SMARCA1: variants seen among roughly 807,000 people sequenced by gnomAD.
SMARCA1 encodes SNF2 related chromatin remodeling ATPase 1, also known as SWI/SNF-related matrix-associated actin-dependent regulator of chromatin subfamily A member 1.
SMARCA1 carries 17 observed loss-of-function variants against 93.6 expected under a neutral mutation model. The ratio of observed to expected loss-of-function variants is 0.18; its 90% confidence interval spans 0.12 to 0.27. The LOEUF (loss-of-function observed/expected upper bound fraction) is 0.27, where lower values mean the gene tolerates loss of function less well. SMARCA1 is among the 10% of genes least tolerant of loss of function. SMARCA1 has a pLI of 1.00. For missense variants in SMARCA1, 630 were observed against 819.0 expected, an observed-to-expected ratio of 0.77 and a Z score of 2.82; for synonymous variants, 271 against 271.4, an observed-to-expected ratio of 1.00 and a Z score of 0.01.
chrX:129,483,239 G>C lies in SMARCA1; in HGVS notation c.2218-2054C>G, dbSNP rs138916501. 7.3e-3 allele frequency among the ~76,000 whole-genome samples: 819 copies of C among 111,844 alleles called. 6 individuals carry two copies. The highest frequency in any genetic ancestry group is 0.012 in the Non-Finnish European group (635 of 53,094). On this transcript the variant is annotated intron_variant, in intron 17 of 24. Transcript: ENST00000371121. ...AAGGAACTTGTAACTCAAATAAAAA[G>C]TTTTCTGAGAACCAGAGAATATAAA...
intron 10 of SMARCA1, 29 bp downstream of exon 10, chrX:129,499,699 CAAAT>C (rs1934478363): frequency 2.5e-6 from 2 of 814,431 alleles, no homozygotes; most frequent in Non-Finnish European, 3.6e-6. Context: ...TTCTTACACA[CAAAT>C]AAGTTTTAAA....
chrX:129,474,218 G>GT (rs1380044471), intron 19 of SMARCA1, among the ~76,000 whole-genome samples: 1 of 111,541 alleles, frequency 9.0e-6, no homozygotes, highest in Non-Finnish European at 1.9e-5. Context: ...CCTTCATAAT[G>GT]TTTTTTTAAA....
chrX:129,490,798 GA>G (rs1171289052), intron 14 of SMARCA1, among the ~76,000 whole-genome samples: 183 of 104,568 alleles, frequency 1.8e-3, no homozygotes, highest in African/African-American at 5.5e-3. Context: ...GGGTGGTAGA[GA>G]AAAAAAAAAT....
At chrX:129,522,904 G>C (rs1935457886) in intron 1 of SMARCA1, among the ~76,000 whole-genome samples, 1 of 111,271 alleles carries the variant, frequency 9.0e-6, no homozygotes, top group African/African-American at 3.3e-5. Flanking sequence ...AGGTGGAGGG[G>C]GTCGGGGGCT....
intron 9 of SMARCA1, among the ~76,000 whole-genome samples, 152 bp downstream of exon 9, chrX:129,504,569 AAAAAAAAAAAAAC>A (rs1569446172): frequency 5.1e-5 from 5 of 98,399 alleles, no homozygotes; most frequent in East Asian, 3.4e-4. Context: ...AAAAAAAAAA[AAAAAAAAAAAAAC>A]AAAGAGGCTG....
intron 12 of SMARCA1, among the ~76,000 whole-genome samples, chrX:129,493,530 G>A (rs1036338904): frequency 3.6e-5 from 4 of 111,328 alleles, no homozygotes; most frequent in African/African-American, 1.3e-4. Context: ...AGTCAGCAGA[G>A]CAGGTAAAGG....
intron 19 of SMARCA1, 130 bp from the exon 20 acceptor site, chrX:129,471,456 C>T (rs1933121240): frequency 2.4e-5 from 10 of 419,406 alleles, no homozygotes; most frequent in Admixed American, 1.8e-4. Flanking sequence ...GAATGACACA[C>T]GGTCCTCTCC....
At chrX:129,479,422 C>T (rs1415582010) in intron 19 of SMARCA1, among the ~76,000 whole-genome samples, 2 of 109,827 alleles carry the variant, frequency 1.8e-5, no homozygotes, top group Admixed American at 9.8e-5. Context: ...TTCTTTGAAA[C>T]TAGTTTTATG....
chrX:129,493,959 T>C (rs1277170153), intron 12 of SMARCA1, among the ~76,000 whole-genome samples: 1 of 111,419 alleles, frequency 9.0e-6, no homozygotes, highest in Non-Finnish European at 1.9e-5. Context: ...AAGTAAGGAA[T>C]CAAACGTGGT....
chrX:129,471,305 G>T lies in SMARCA1; in HGVS notation c.2464C>A (p.Pro822Thr). ...GYKVPRNPDIPNPALAQREEQ... is the reference protein window; with the variant it reads ...GYKVPRNPDITNPALAQREEQ... ...TCTCTTTGAGCCAGAGCTGGATTTG[G>T]GATATCAGGATTCCTTGGAACCTAT... Residue 822 changes from proline to threonine, a missense_variant, in exon 20 of 25, where the codon CCA (proline) becomes ACA (threonine). Around this residue, in one of 4 missense-constraint regions of SMARCA1, gnomAD observed 52 missense variants for 38.3 expected, o/e 1.36. Coordinates refer to ENST00000371121, the MANE Select transcript of SMARCA1 (RefSeq NM_001282874.2). 1.7e-6 allele frequency: 2 copies of T among 1,194,978 alleles called. No individual in the cohort carries two copies. The highest frequency in any genetic ancestry group is 1.8e-5 in the South Asian group (1 of 54,549).
chrX:129,480,976 G>T, intron 18 of SMARCA1, 99 bp downstream of exon 18: 1 of 581,357 alleles, frequency 1.7e-6, no homozygotes, highest in Non-Finnish European at 2.7e-6. Flanking sequence ...ATATTTTAGA[G>T]ACTATGATTT....
At chrX:129,499,633 T>C in intron 10 of SMARCA1, 99 bp downstream of exon 10, 1 of 423,167 alleles carries the variant, frequency 2.4e-6, no homozygotes, top group Non-Finnish European at 4.2e-6. Flanking sequence ...AAATATAAAA[T>C]GTAATTTTTG....
chrX:129,471,944 CAG>C (rs1933143384), intron 19 of SMARCA1, among the ~76,000 whole-genome samples: 1 of 112,166 alleles, frequency 8.9e-6, no homozygotes, highest in Non-Finnish European at 1.9e-5. Flanking sequence ...ACTACAACAG[CAG>C]TGACCAACAG....
At chrX:129,454,937 T>C (rs775277719) in intron 23 of SMARCA1, among the ~76,000 whole-genome samples, 1 of 111,713 alleles carries the variant, frequency 9.0e-6, no homozygotes, top group South Asian at 3.8e-4. Flanking sequence ...GTGGCGATCA[T>C]TAAAAAGTCA....
intron 17 of SMARCA1, among the ~76,000 whole-genome samples, chrX:129,486,810 TTGATGA>T (rs35899125): frequency 1.9e-5 from 2 of 106,483 alleles, no homozygotes; most frequent in African/African-American, 3.5e-5. Context: ...ACAGCAAAAA[TTGATGA>T]TGATGATGAT....
Position 129,447,149 on chromosome X carries a change from T to C in SMARCA1, c.*13A>G. 8.8e-7 allele frequency: 1 copy of C among 1,140,697 alleles called. No homozygotes were observed. Among genetic ancestry groups the C allele is most frequent in the Non-Finnish European group, 1.2e-6 (1 of 862,726 alleles). 94.0% of individuals were successfully genotyped at this position (1,140,697 alleles called of 1,213,427 possible). A position where few individuals can be genotyped will look rare whatever the true frequency, so the allele number is the denominator to read the frequency against. On this transcript the variant is annotated 3_prime_UTR_variant, in exon 25 of 25. Transcript: ENST00000371121. ...AAATAGCAGTTTCCCATTTAAAACT[T>C]TATTTCTAGGCTTTAGGATTTCACC...
chrX:129,465,900 G>A lies in SMARCA1; in HGVS notation c.2761C>T (p.Arg921Cys). Residue 921 changes from arginine to cysteine, a missense_variant, in exon 22 of 25, where the codon CGT (arginine) becomes TGT (cysteine). Physicochemically the swap from Arg to Cys is radical, Grantham distance 180. Transcript: ENST00000371121. ...DIEKIMAQIE[R>C]GEARIQRRIS... is the part of the protein sequence containing the mutation. The stretch of plus-strand genomic sequence containing the variant: ...CTTCGTTGAATTCTTGCTTCTCCAC[G>A]TTCAATTTGAGCCATAATTTTCTCA... 1 of 1,184,933 alleles carries A rather than the reference G, an allele frequency of 8.4e-7. No individual in the cohort carries two copies. Among genetic ancestry groups the A allele is most frequent in the Non-Finnish European group, 1.1e-6 (1 of 882,152 alleles).
chrX:129,494,213 C>G (rs1934231847), intron 12 of SMARCA1, among the ~76,000 whole-genome samples: 1 of 111,567 alleles, frequency 9.0e-6, no homozygotes, highest in Admixed American at 9.6e-5. Flanking sequence ...GGTCAGAAAG[C>G]ACGTACTGCT....
Position 129,495,752 on chromosome X carries a change from C to T in SMARCA1, c.1626+998G>A, listed in dbSNP as rs765191722. On this transcript the variant is annotated intron_variant, in intron 12 of 24. Coordinates refer to ENST00000371121, the MANE Select transcript of SMARCA1 (RefSeq NM_001282874.2). ...CATCATACATTGTTTTGATTGACGT[C>T]GCAGTTTCTATAAGAACCTATCTTT... Among the ~76,000 whole-genome samples, 20 of 107,781 alleles carry T rather than the reference C, an allele frequency of 1.9e-4. No homozygotes were observed. In the South Asian group the frequency reaches 7.9e-3, roughly 43 times the overall value. 93.6% of individuals were successfully genotyped at this position (107,781 alleles called of 115,157 possible).
Sources: allele counts gnomAD v4.1 joint callset (sites outside exome capture counted in the v4.1 genomes callset), GRCh38; gene constraint gnomAD v4.1.1; regional missense constraint gnomAD v4.1.1; transcripts MANE v1.5; gene names NCBI Gene and HGNC (gene_info 2026-07-23, HGNC 2026-07-21).